Variants in PC observed in about 807,000 individuals in gnomAD.
The protein encoded by PC is pyruvate carboxylase, mitochondrial.
PC carries 46 observed loss-of-function variants against 107.8 expected under a neutral mutation model. The ratio of observed to expected loss-of-function variants is 0.43; its 90% CI spans 0.34 to 0.55. PC has a LOEUF of 0.55. Ranked by LOEUF, PC falls within the 20% of genes least tolerant of loss-of-function variation. PC has a pLI of 0.04. For synonymous variants in PC, 662 were observed against 684.7 expected (o/e 0.97, Z 0.52); for missense variants, 1,241 against 1,643.1 (o/e 0.76, Z 4.23).
rs757767116 is a variant in PC, at chr11:66,946,092, CAAAAAAA to C, written c.-1+6331_-1+6337del. Among the ~76,000 whole-genome samples, 6 of 66,088 alleles carry C rather than the reference CAAAAAAA, an allele frequency of 9.1e-5. No individual in the cohort carries two copies. The East Asian group carries it at 1.5e-3, about 16-fold the overall frequency. 43.4% of individuals were successfully genotyped at this position (66,088 alleles called of 152,430 possible). ...TGGGCGACAGAGCGAGACTCCGTCT[CAAAAAAA>C]AAAAAAAAAAAAAAAGAAATCTGTG... is the stretch of plus-strand genomic sequence containing the variant. On this transcript the variant is annotated intron_variant, in intron 3 of 22. Transcript: ENST00000393960.
chr11:66,849,013 A>G lies in PC; in HGVS notation c.3423T>C (p.Ser1141=). 6.2e-7 allele frequency: 1 copy of G among 1,614,084 alleles called. No individual in the cohort carries two copies. The highest frequency in any genetic ancestry group is 1.3e-5 in the African/African-American group (1 of 75,062). ...TCACCACAGTCTCCATCTTCATGGC[A>G]CTGAGCACACACAGGGGCTGGCCCT... ...VAKGQPLCVL[S]AMKMETVVTS... The change falls in exon 23 of 23, where the codon AGT becomes AGC. Residue 1141 remains serine, a synonymous_variant. Coordinates refer to ENST00000393960, the MANE Select transcript of PC (RefSeq NM_001040716.2).
chr11:66,848,631 G>A lies in PC; in HGVS notation c.*268C>T, dbSNP rs1182850584. The stretch of plus-strand genomic sequence containing the variant: ...CCCCTAAACCTCCCCTGGGTCCTAG[G>A]ACCACCTGACCCACCACTTGTAGTC... On this transcript the variant is annotated 3_prime_UTR_variant, in exon 23 of 23. Transcript: ENST00000393960. 6 of 607,322 alleles carry A rather than the reference G, an allele frequency of 9.9e-6. No homozygotes were observed. Among genetic ancestry groups the A allele is most frequent in the African/African-American group, 3.7e-5 (2 of 54,118 alleles). 37.6% of individuals were successfully genotyped at this position (607,322 alleles called of 1,614,324 possible).
chr11:66,850,361 C>T lies in PC; in HGVS notation c.2577G>A (p.Ser859=), dbSNP rs199879375. ...DCTATMKSGN[S]DVYENEIPGG... Reference sequence around the variant, plus strand: ...CTGGGATCTCATTTTCATACACGTCCGAGTTGCCAGACTTCATGGTGGCCG... The same window carrying T: ...CTGGGATCTCATTTTCATACACGTCTGAGTTGCCAGACTTCATGGTGGCCG... The change falls in exon 19 of 23, where the codon TCG becomes TCA. Residue 859 remains serine, a synonymous_variant. Coordinates refer to ENST00000393960, the MANE Select transcript of PC (RefSeq NM_001040716.2). The T allele has an allele frequency of 1.3e-4, 213 of 1,614,100 alleles. No individual in the cohort carries two copies. In the East Asian group the frequency reaches 3.4e-3, roughly 26 times the overall value.
intron 3 of PC, among the ~76,000 whole-genome samples, chr11:66,920,136 G>A (rs115356037): frequency 0.02 from 3,080 of 152,254 alleles, 115 homozygotes; most frequent in African/African-American, 0.07. Flanking sequence ...AGTATACCAC[G>A]CCTCTTGCTG....
intron 3 of PC, 98 bp downstream of exon 3, chr11:66,952,332 A>G (rs1949459047): frequency 6.6e-6 from 1 of 152,206 alleles, no homozygotes; most frequent in Non-Finnish European, 1.5e-5. Flanking sequence ...TTATTGATTG[A>G]GCTTAAGACC....
intron 3 of PC, among the ~76,000 whole-genome samples, chr11:66,883,397 C>T (rs1178349958): frequency 6.6e-6 from 1 of 152,160 alleles, no homozygotes; most frequent in East Asian, 1.9e-4. Flanking sequence ...GTGGGCAGGG[C>T]TCACATGGGA....
intron 3 of PC, among the ~76,000 whole-genome samples, chr11:66,927,738 A>C (rs1948752356): frequency 6.6e-6 from 1 of 151,724 alleles, no homozygotes; most frequent in Non-Finnish European, 1.5e-5. Flanking sequence ...AAAAAAAAAA[A>C]AGATAGAATC....
At chr11:66,895,967 C>A (rs1947745646) in intron 3 of PC, among the ~76,000 whole-genome samples, 1 of 152,130 alleles carries the variant, frequency 6.6e-6, no homozygotes, top group African/African-American at 2.4e-5. Context: ...AAAAAAAAGA[C>A]AAAAGTATCA....
In PC at chr11:66,858,593, T is replaced by G. The variant is rs564132320; in HGVS notation, c.1368+5181A>C. 1 of 1,533,934 alleles carries G rather than the reference T, an allele frequency of 6.5e-7. No homozygotes were observed. Among genetic ancestry groups the G allele is most frequent in the East Asian group, 2.4e-5 (1 of 40,836 alleles). Reference sequence around the variant, plus strand: ...AGTTCTCCTGTGAGCCGCCCCTCATTGCCCGCCACACGCAGCGCCTCTGGG... The same window carrying G: ...AGTTCTCCTGTGAGCCGCCCCTCATGGCCCGCCACACGCAGCGCCTCTGGG... On this transcript the variant is annotated intron_variant, in intron 12 of 22. Transcript: ENST00000393960. This position sits in a 1 kb window ranked among gnomAD's most constrained non-coding sequence, Gnocchi z 5.9.
chr11:66,889,770 TAATACCATTCCG>T lies in PC; in HGVS notation c.1-17623_1-17612del, dbSNP rs2136006694. On this transcript the variant is annotated intron_variant, in intron 3 of 22. Coordinates refer to ENST00000393960, the MANE Select transcript of PC (RefSeq NM_001040716.2). ...GGTGCAGTTCCTTTGTGATTCTTCC[TAATACCATTCCG>T]GGTCCTTTTCTCCTTTTCTCCCAGG... is the stretch of plus-strand genomic sequence containing the variant. 2.0e-5 allele frequency among the ~76,000 whole-genome samples: 3 copies of T among 152,316 alleles called. No individual in the cohort carries two copies. In the East Asian group the frequency reaches 5.8e-4, roughly 29 times the overall value.
chr11:66,864,691 A>C (rs1946417654), intron 11 of PC, among the ~76,000 whole-genome samples: 1 of 152,190 alleles, frequency 6.6e-6, no homozygotes, highest in East Asian at 1.9e-4. Context: ...GGGCAGCGGG[A>C]CAGGGCCAGG....
intron 12 of PC, among the ~76,000 whole-genome samples, chr11:66,854,897 G>C (rs1333858477): frequency 1.3e-5 from 2 of 152,218 alleles, no homozygotes; most frequent in Non-Finnish European, 2.9e-5. Context: ...ATTTCAGCTG[G>C]GCCAAGGCAT....
intron 18 of PC, 55 bp from the exon 19 acceptor site, chr11:66,850,519 C>T (rs1402195629): frequency 6.2e-7 from 1 of 1,612,202 alleles, no homozygotes; most frequent in East Asian, 2.2e-5. Flanking sequence ...TCTTCCAGGA[C>T]CCAGGGCTAG....
chr11:66,863,711 T>G, intron 12 of PC, 63 bp downstream of exon 12: 1 of 1,528,950 alleles, frequency 6.5e-7, no homozygotes, highest in East Asian at 2.3e-5. Flanking sequence ...GGTGGGGAAG[T>G]GAACGGTCAG....
At chr11:66,954,978 C>T (rs748354815) in intron 1 of PC, among the ~76,000 whole-genome samples, 5 of 151,872 alleles carry the variant, frequency 3.3e-5, no homozygotes, top group Non-Finnish European at 4.4e-5. Context: ...TTGACCTGAA[C>T]GAGGCCTCCA....
At chr11:66,942,316 T>C (rs1591310015) in intron 3 of PC, among the ~76,000 whole-genome samples, 2 of 144,950 alleles carry the variant, frequency 1.4e-5, no homozygotes, top group Non-Finnish European at 3.0e-5. Context: ...AGGAGAATGG[T>C]GTGAACCCGG....
chr11:66,857,705 C>A lies in PC; in HGVS notation c.1369-4322G>T, dbSNP rs780784913. On this transcript the variant is annotated intron_variant, in intron 12 of 22. Transcript: ENST00000393960. The surrounding 1 kb of genome is among the most constrained non-coding windows in gnomAD (Gnocchi z 7.1). ...AAGTGGGCACCTGCGCCAGCCCCAC[C>A]TGTGCCTGGGCTGTGGCCCCTTCCT... 2.6e-6 allele frequency: 4 copies of A among 1,556,996 alleles called. No individual in the cohort carries two copies. The Admixed American group carries it at 7.0e-5, about 27-fold the overall frequency.
chr11:66,852,798 C>T lies in PC; in HGVS notation c.1552G>A (p.Val518Ile), dbSNP rs569110648. 2.8e-5 allele frequency: 45 copies of T among 1,591,342 alleles called. No homozygotes were observed. Among genetic ancestry groups the T allele is most frequent in the East Asian group, 9.0e-5 (4 of 44,528 alleles). ...MVNGPTTPIP[V>I]KASPSPTDPV... ...TCCGTGGGGCTGGGGCTGGCCTTGA[C>T]GGGAATCGGGGTGGTTGGACCGTTT... Residue 518 changes from valine (V) to isoleucine (I), a missense_variant, in exon 14 of 23, where the codon GTC becomes ATC. Physicochemically the swap from Val to Ile is conservative, Grantham distance 29 (BLOSUM62 3). Around this residue, in one of 2 missense-constraint regions of PC, gnomAD observed 1,143 missense variants for 1,551.9 expected, o/e 0.74. Coordinates refer to ENST00000393960, the MANE Select transcript of PC (RefSeq NM_001040716.2). This position sits in a 1 kb window ranked among gnomAD's most constrained non-coding sequence, Gnocchi z 4.7.
intron 12 of PC, chr11:66,856,806 C>G (rs1211579472): frequency 6.6e-6 from 1 of 151,322 alleles, no homozygotes; most frequent in Non-Finnish European, 1.5e-5. Context: ...GGCGGGCGCC[C>G]GTGCGGTGCA....
Sources: gnomAD v4.1 joint callset for allele counts (sites outside exome capture counted in the v4.1 genomes callset) on GRCh38, gnomAD v4.1.1 for gene constraint, gnomAD v4.1.1 regional missense constraint, Gnocchi (gnomAD v3.1) non-coding constraint, MANE v1.5 for transcripts, NCBI Gene and HGNC (gene_info 2026-07-23, HGNC 2026-07-21) for gene names.